The following SLC39A11 variants were observed in gnomAD, a reference collection of about 807,000 sequenced individuals.
SLC39A11 encodes the protein solute carrier family 39 member 11.
SLC39A11 carries 33 observed loss-of-function variants against 36.1 expected under a neutral mutation model. The ratio of observed to expected loss-of-function variants is 0.91; its 90% confidence interval spans 0.69 to 1.22. The LOEUF (loss-of-function observed/expected upper bound fraction) is 1.22. Ranked by LOEUF, SLC39A11 falls within the 50% of genes most tolerant of loss-of-function variation. SLC39A11 has a pLI of 0.00. For synonymous variants in SLC39A11, 166 were observed against 170.3 expected (o/e 0.97, Z 0.20); for missense variants, 432 against 430.3 (o/e 1.00, Z -0.03).
At chr17:72,779,400 G>A (rs35303595) in intron 6 of SLC39A11, among the ~76,000 whole-genome samples, 16 of 152,128 alleles carry the variant, frequency 1.1e-4, no homozygotes, top group South Asian at 4.2e-4. Flanking sequence ...ACTGCAGCCC[G>A]GGTGACAGAG....
intron 7 of SLC39A11, among the ~76,000 whole-genome samples, chr17:72,701,619 T>C (rs373388445): frequency 9.5e-5 from 14 of 146,710 alleles, no homozygotes; most frequent in South Asian, 8.6e-4. Context: ...TCCCAGCTAC[T>C]GGGGAGGCTG....
intron 6 of SLC39A11, among the ~76,000 whole-genome samples, chr17:72,831,030 T>C (rs1211237857): frequency 6.6e-6 from 1 of 152,112 alleles, no homozygotes; most frequent in East Asian, 1.9e-4. Context: ...ATGAGGAGCC[T>C]GGAGGAAAGT....
At chr17:72,772,229 G>A (rs1416681374) in intron 6 of SLC39A11, among the ~76,000 whole-genome samples, 6 of 152,130 alleles carry the variant, frequency 3.9e-5, no homozygotes, top group African/African-American at 1.4e-4. Context: ...CCATCTTCAC[G>A]CTACAATTGT....
chr17:73,013,935 G>C (rs985229243), intron 4 of SLC39A11, among the ~76,000 whole-genome samples: 2 of 152,066 alleles, frequency 1.3e-5, no homozygotes, highest in Non-Finnish European at 2.9e-5. Context: ...CGATTTGATG[G>C]AGGGCAGTCA....
intron 4 of SLC39A11, among the ~76,000 whole-genome samples, chr17:73,028,153 T>C (rs1355681795): frequency 1.3e-5 from 2 of 152,182 alleles, no homozygotes; most frequent in Non-Finnish European, 2.9e-5. Flanking sequence ...TGAAATGATC[T>C]GGGGCTGAAT....
chr17:72,697,881 C>T (rs2072389268), intron 7 of SLC39A11, among the ~76,000 whole-genome samples: 1 of 152,148 alleles, frequency 6.6e-6, no homozygotes, highest in Admixed American at 6.5e-5. Flanking sequence ...CTGGCTGTAA[C>T]CCCAGGGCTG....
chr17:72,998,150 C>T (rs908916644), intron 4 of SLC39A11, among the ~76,000 whole-genome samples: 49 of 152,024 alleles, frequency 3.2e-4, no homozygotes, highest in African/African-American at 1.2e-3. Context: ...TGATTGACGG[C>T]CCTCAGGTTC....
intron 3 of SLC39A11, among the ~76,000 whole-genome samples, chr17:73,054,153 C>G (rs921241379): frequency 6.6e-6 from 1 of 151,994 alleles, no homozygotes; most frequent in Admixed American, 6.6e-5. Context: ...CCACACAGTC[C>G]GGAGTTCGAG....
At chr17:72,923,877 G>A (rs1875656123) in intron 5 of SLC39A11, among the ~76,000 whole-genome samples, 1 of 152,128 alleles carries the variant, frequency 6.6e-6, no homozygotes, top group Non-Finnish European at 1.5e-5. Flanking sequence ...AGACGCAGTG[G>A]CTCACACCTA....
intron 9 of SLC39A11, among the ~76,000 whole-genome samples, chr17:72,648,133 C>T (rs2069654682): frequency 6.6e-6 from 1 of 152,004 alleles, no homozygotes; most frequent in Non-Finnish European, 1.5e-5. Context: ...AGTTTGAGAC[C>T]AGCCTGGCTA....
intron 4 of SLC39A11, among the ~76,000 whole-genome samples, chr17:72,956,357 G>A (rs2086248854): frequency 6.6e-6 from 1 of 152,126 alleles, no homozygotes; most frequent in Admixed American, 6.5e-5. Context: ...GCTCTGCAGA[G>A]ACACAGCTCT....
intron 5 of SLC39A11, among the ~76,000 whole-genome samples, chr17:72,921,140 A>G (rs2147258294): frequency 6.6e-6 from 1 of 152,300 alleles, no homozygotes; most frequent in East Asian, 1.9e-4. Context: ...GAATTTGGTA[A>G]CTGCATGAAA....
intron 7 of SLC39A11, among the ~76,000 whole-genome samples, chr17:72,666,285 C>A (rs1210516629): frequency 6.6e-6 from 1 of 152,158 alleles, no homozygotes; most frequent in East Asian, 1.9e-4. Context: ...ATCTGGAAAG[C>A]CAAAAAGCAA....
At chr17:72,755,876 G>T (rs2075351647) in intron 6 of SLC39A11, among the ~76,000 whole-genome samples, 1 of 152,216 alleles carries the variant, frequency 6.6e-6, no homozygotes, top group Non-Finnish European at 1.5e-5. Context: ...GGAGGGAGAT[G>T]CCAAACTGAA....
chr17:72,705,130 T>C (rs922721265), intron 7 of SLC39A11, among the ~76,000 whole-genome samples: 1 of 152,140 alleles, frequency 6.6e-6, no homozygotes, highest in Non-Finnish European at 1.5e-5. Context: ...ACCAGTAAAT[T>C]CTCTTTTTAG....
intron 5 of SLC39A11, among the ~76,000 whole-genome samples, chr17:72,906,052 C>T (rs1348945131): frequency 6.6e-6 from 1 of 152,142 alleles, no homozygotes; most frequent in African/African-American, 2.4e-5. Context: ...CACACTCGGC[C>T]AAAGAGGACC....
At chr17:72,801,260 A>G (rs927681659) in intron 6 of SLC39A11, among the ~76,000 whole-genome samples, 10 of 152,170 alleles carry the variant, frequency 6.6e-5, no homozygotes, top group African/African-American at 2.4e-4. Context: ...TCATTCTGTC[A>G]TCCATGCTGG....
intron 4 of SLC39A11, among the ~76,000 whole-genome samples, chr17:72,958,606 T>C (rs2086394829): frequency 6.6e-6 from 1 of 152,120 alleles, no homozygotes; most frequent in Admixed American, 6.5e-5. Flanking sequence ...ATCCCAGCAC[T>C]TTGCGAGGCC....
At chr17:72,971,092 T>C (rs1358763439) in intron 4 of SLC39A11, among the ~76,000 whole-genome samples, 3 of 152,166 alleles carry the variant, frequency 2.0e-5, no homozygotes, top group African/African-American at 2.4e-5. Flanking sequence ...GTTTCTCCAA[T>C]TCCCTGCTTT....
Sources: allele counts gnomAD v4.1 joint callset (sites outside exome capture counted in the v4.1 genomes callset), GRCh38; gene constraint gnomAD v4.1.1; transcripts MANE v1.5; gene names NCBI Gene and HGNC (gene_info 2026-07-23, HGNC 2026-07-21).